Variants in RP1 observed in about 807,000 individuals in gnomAD.
RP1 encodes RP1 axonemal microtubule associated, also known as oxygen-regulated protein 1.
A neutral mutation model predicts 14.8 loss-of-function variants in RP1; 16 were observed. The observed-to-expected ratio is 1.08, with a 90% CI of 0.73 to 1.65. RP1 has a LOEUF of 1.65. Among genes scored for constraint, RP1 ranks in the 40% most tolerant of loss-of-function variants. The pLI, the probability that RP1 is intolerant of heterozygous loss-of-function variation, is 0.00. For synonymous variants in RP1, 876 were observed against 883.6 expected, an observed-to-expected ratio of 0.99 and a Z score of 0.15; for missense variants, 2,631 against 2,535.0, an observed-to-expected ratio of 1.04 and a Z score of -0.81.
intron 27 of RP1, among the ~76,000 whole-genome samples, chr8:54,857,747 C>T (rs1812239333): frequency 6.6e-6 from 1 of 152,102 alleles, no homozygotes; most frequent in Non-Finnish European, 1.5e-5. Flanking sequence ...CCTTATCCCA[C>T]ACTCTTCAGC....
At chr8:54,819,142 A>G (rs993318562) in intron 24 of RP1, among the ~76,000 whole-genome samples, 1 of 151,732 alleles carries the variant, frequency 6.6e-6, no homozygotes, top group Non-Finnish European at 1.5e-5. Context: ...TCCTGTAGGC[A>G]TGCTTCATTC....
intron 12 of RP1, among the ~76,000 whole-genome samples, chr8:54,697,774 A>G (rs1807907083): frequency 6.6e-6 from 1 of 152,214 alleles, no homozygotes; most frequent in Non-Finnish European, 1.5e-5. Flanking sequence ...AAACCTGACA[A>G]AAACAAGCAA....
At chr8:54,784,958 A>T (rs533721449) in intron 24 of RP1, among the ~76,000 whole-genome samples, 1 of 152,162 alleles carries the variant, frequency 6.6e-6, no homozygotes, top group Non-Finnish European at 1.5e-5. Context: ...TTTAATTGAC[A>T]CATAATTGTA....
At chr8:54,779,082 C>T (rs1449851606) in intron 23 of RP1, among the ~76,000 whole-genome samples, 1 of 152,172 alleles carries the variant, frequency 6.6e-6, no homozygotes, top group Admixed American at 6.5e-5. Context: ...TTCCCTGTCA[C>T]AACCCTCGAC....
intron 24 of RP1, among the ~76,000 whole-genome samples, chr8:54,805,580 A>G (rs961779712): frequency 6.6e-6 from 1 of 152,238 alleles, no homozygotes; most frequent in Non-Finnish European, 1.5e-5. Flanking sequence ...TGTTCCAAAA[A>G]GTGACTGAGT....
intron 3 of RP1, among the ~76,000 whole-genome samples, chr8:54,635,993 A>G (rs1387475092): frequency 6.6e-6 from 1 of 151,582 alleles, no homozygotes. Flanking sequence ...TCTCCTCCCC[A>G]CTGACCCCTT....
intron 1 of RP1, among the ~76,000 whole-genome samples, chr8:54,602,955 A>T (rs568462125): frequency 1.3e-5 from 2 of 152,290 alleles, no homozygotes; most frequent in South Asian, 4.1e-4. Context: ...TTAGATGAGT[A>T]GATGGCAAAA....
At chr8:54,624,196 C>T (rs1198803515) in intron 3 of RP1, among the ~76,000 whole-genome samples, 2 of 151,986 alleles carry the variant, frequency 1.3e-5, no homozygotes, top group African/African-American at 2.4e-5. Context: ...AATCCCAGCA[C>T]TTTGGGAGGC....
upstream of RP1, among the ~76,000 whole-genome samples, chr8:54,614,713 A>G (rs1288788001): frequency 6.6e-6 from 1 of 152,186 alleles, no homozygotes; most frequent in Non-Finnish European, 1.5e-5. Flanking sequence ...CTTATATGTA[A>G]GAAATGTTAT....
chr8:54,787,583 T>G (rs946396025), intron 24 of RP1, among the ~76,000 whole-genome samples: 1 of 152,228 alleles, frequency 6.6e-6, no homozygotes, highest in Non-Finnish European at 1.5e-5. Flanking sequence ...GGCTTTTTAT[T>G]GCATTTTTGC....
At chr8:54,696,879 A>G in intron 12 of RP1, 1 of 777,654 alleles carries the variant, frequency 1.3e-6, no homozygotes, top group Non-Finnish European at 2.3e-6. Flanking sequence ...GCCAAGGTCA[A>G]GAATAAGATC....
At chr8:54,570,019 G>T (rs1334671139) in intron 1 of RP1, among the ~76,000 whole-genome samples, 4 of 152,168 alleles carry the variant, frequency 2.6e-5, no homozygotes, top group Non-Finnish European at 5.9e-5. Flanking sequence ...CTTGTCATGG[G>T]TGTTGGGTGG....
chr8:54,702,292 T>C (rs1719477699), intron 14 of RP1, among the ~76,000 whole-genome samples: 1 of 152,262 alleles, frequency 6.6e-6, no homozygotes, highest in Admixed American at 6.5e-5. Flanking sequence ...TCAGCTAAAG[T>C]CTACTTATAT....
chr8:54,661,196 T>C (rs1806883739), intron 6 of RP1, among the ~76,000 whole-genome samples: 1 of 147,100 alleles, frequency 6.8e-6, no homozygotes, highest in Non-Finnish European at 1.5e-5. Flanking sequence ...AATGTTATAA[T>C]ATATAATTAT....
chr8:54,643,481 A>G (rs920899658), intron 3 of RP1, among the ~76,000 whole-genome samples: 6 of 152,126 alleles, frequency 3.9e-5, no homozygotes, highest in Non-Finnish European at 8.8e-5. Flanking sequence ...TAGGGTTTTG[A>G]TCATCATGAA....
intron 24 of RP1, among the ~76,000 whole-genome samples, chr8:54,831,884 C>A (rs763228889): frequency 6.6e-6 from 1 of 151,388 alleles, no homozygotes; most frequent in African/African-American, 2.4e-5. Context: ...AAAAGATGTT[C>A]ATTTTACCTT....
At chr8:54,570,434 T>C (rs1355211555) in intron 1 of RP1, among the ~76,000 whole-genome samples, 3 of 151,790 alleles carry the variant, frequency 2.0e-5, no homozygotes, top group South Asian at 2.1e-4. Flanking sequence ...GTTGTAGTGA[T>C]TCACCAGCCT....
downstream of RP1, chr8:54,630,942 AT>A (rs1563334226): frequency 5.4e-6 from 3 of 554,298 alleles, no homozygotes; most frequent in Non-Finnish European, 6.9e-6. Context: ...TCAAGTATCA[AT>A]TGGTTTGAAT....
chr8:54,827,906 A>G (rs1811422938), intron 24 of RP1, among the ~76,000 whole-genome samples: 1 of 152,082 alleles, frequency 6.6e-6, no homozygotes, highest in African/African-American at 2.4e-5. Context: ...CTCAAAAAAA[A>G]AAGTAGTAAT....
Sources: allele counts gnomAD v4.1 joint callset (sites outside exome capture counted in the v4.1 genomes callset), GRCh38; gene constraint gnomAD v4.1.1; transcripts MANE v1.5; gene names NCBI Gene and HGNC (gene_info 2026-07-23, HGNC 2026-07-21).